SEMA5B: variants seen among roughly 807,000 people sequenced by gnomAD.
The protein encoded by SEMA5B is semaphorin-5B.
In SEMA5B, 66 loss-of-function variants were observed where a neutral mutation model predicts 135.0. The observed-to-expected ratio is 0.49, with a 90% CI of 0.40 to 0.60. The LOEUF (loss-of-function observed/expected upper bound fraction) is 0.60, where lower values mean the gene tolerates loss of function less well. Among genes scored for constraint, SEMA5B ranks in the 20% least tolerant of loss-of-function variants. The pLI, the probability that SEMA5B is intolerant of heterozygous loss-of-function variation, is 0.00. For synonymous variants in SEMA5B, 690 were observed against 639.5 expected, an observed-to-expected ratio of 1.08 and a Z score of -1.19; for missense variants, 1,501 against 1,566.3, an observed-to-expected ratio of 0.96 and a Z score of 0.70.
intron 1 of SEMA5B, among the ~76,000 whole-genome samples, chr3:122,966,558 T>TTATTA (rs914331287): frequency 4.2e-5 from 6 of 141,586 alleles, no homozygotes; most frequent in African/African-American, 1.8e-4. Context: ...ATTATTATTA[T>TTATTA]TATTATTATT....
chr3:123,003,157 A>G (rs1272400260), intron 1 of SEMA5B, among the ~76,000 whole-genome samples: 1 of 152,198 alleles, frequency 6.6e-6, no homozygotes, highest in Non-Finnish European at 1.5e-5. Context: ...TGAGGACACA[A>G]AAGTGAATGA....
chr3:123,009,625 T>C (rs1317341855), intron 1 of SEMA5B, among the ~76,000 whole-genome samples: 1 of 152,210 alleles, frequency 6.6e-6, no homozygotes, highest in African/African-American at 2.4e-5. Flanking sequence ...ACCCAGCCAG[T>C]GTCCCTTGCT....
At position 122,910,309 on chromosome 3, in the gene SEMA5B, T is replaced by TGGAA; in HGVS notation, c.3298-12_3298-9dup. ...GTTATTCTTGTTCAGGGTCTGTGGG[T>TGGAA]GGAAGAAGGAACCAGAGAAAGGGGT... On this transcript the variant is annotated splice_polypyrimidine_tract_variant and intron_variant, in intron 22 of 22. Transcript: ENST00000357599. 6.2e-7 allele frequency: 1 copy of TGGAA among 1,613,580 alleles called. No homozygotes were observed. The highest frequency in any genetic ancestry group is 8.5e-7 in the Non-Finnish European group (1 of 1,179,766).
intron 2 of SEMA5B, 78 bp from the exon 3 acceptor site, chr3:122,948,787 T>C: frequency 2.6e-6 from 3 of 1,156,308 alleles, no homozygotes; most frequent in African/African-American, 1.5e-5. Flanking sequence ...GTGGTTACAG[T>C]GCCCCCACAG....
intron 2 of SEMA5B, among the ~76,000 whole-genome samples, chr3:122,955,283 G>A (rs1191353983): frequency 6.6e-6 from 1 of 152,122 alleles, no homozygotes; most frequent in African/African-American, 2.4e-5. Context: ...CTGCAAAATG[G>A]GGAGAATAAT....
At chr3:122,940,898 C>T (rs1333637182) in intron 4 of SEMA5B, among the ~76,000 whole-genome samples, 2 of 152,236 alleles carry the variant, frequency 1.3e-5, no homozygotes, top group Non-Finnish European at 2.9e-5. Flanking sequence ...CAGCTGCCTG[C>T]TTAGGTAACA....
intron 1 of SEMA5B, among the ~76,000 whole-genome samples, chr3:122,983,688 A>T: frequency 7.9e-6 from 1 of 126,588 alleles, no homozygotes; most frequent in South Asian, 2.9e-4. Flanking sequence ...ACTGCACTCC[A>T]GCCTGGGCGA....
intron 1 of SEMA5B, among the ~76,000 whole-genome samples, chr3:123,017,945 T>A (rs1042104043): frequency 6.6e-6 from 1 of 151,856 alleles, no homozygotes; most frequent in Non-Finnish European, 1.5e-5. Context: ...GATTTTTTGC[T>A]GGACCCCAGA....
chr3:122,985,098 T>C (rs1191048718), intron 1 of SEMA5B, among the ~76,000 whole-genome samples: 1 of 152,224 alleles, frequency 6.6e-6, no homozygotes, highest in East Asian at 1.9e-4. Context: ...ATGCAACTTG[T>C]TTGACATTCC....
intron 1 of SEMA5B, chr3:123,027,259 G>A (rs1473464815): frequency 1.3e-5 from 2 of 152,400 alleles, no homozygotes; most frequent in African/African-American, 4.8e-5. Flanking sequence ...CAGCAGCGAT[G>A]AGGGCTCTCA....
intron 1 of SEMA5B, among the ~76,000 whole-genome samples, chr3:123,026,889 G>T (rs1057144788): frequency 6.6e-5 from 10 of 152,222 alleles, no homozygotes; most frequent in Admixed American, 5.9e-4. Flanking sequence ...TTCACGCTCC[G>T]CAGGCCTGGT....
chr3:123,018,957 G>A (rs1017940467), intron 1 of SEMA5B, among the ~76,000 whole-genome samples: 1 of 152,164 alleles, frequency 6.6e-6, no homozygotes, highest in Admixed American at 6.5e-5. Flanking sequence ...TCTAGCATGG[G>A]TTACCTGGAT....
At position 123,027,452 on chromosome 3, in the gene SEMA5B, C is replaced by T. The variant is rs905594198; in HGVS notation, c.-39+12G>A. On this transcript the variant is annotated intron_variant, in intron 1 of 22. Coordinates refer to ENST00000357599, the MANE Select transcript of SEMA5B (RefSeq NM_001031702.4). ...CCGCGCAGGGGAAGCGCCCGGGGCT[C>T]CCGGGACTCACCTCCCAGAGGCGGG... 3.3e-5 allele frequency: 5 copies of T among 152,360 alleles called. No homozygotes were observed. The highest frequency in any genetic ancestry group is 9.6e-5 in the African/African-American group (4 of 41,464). 9.4% of individuals were successfully genotyped at this position (152,360 alleles called of 1,614,324 possible).
At chr3:122,963,676 C>G (rs1940690941) in intron 1 of SEMA5B, among the ~76,000 whole-genome samples, 1 of 152,122 alleles carries the variant, frequency 6.6e-6, no homozygotes, top group Non-Finnish European at 1.5e-5. Context: ...AGAAGGGAGA[C>G]AGAGAACACG....
At chr3:122,928,857 C>G in intron 6 of SEMA5B, 139 bp downstream of exon 6, 1 of 861,864 alleles carries the variant, frequency 1.2e-6, no homozygotes, top group South Asian at 1.6e-5. Context: ...GTTATCCTCA[C>G]CTGCCCAAGG....
At chr3:123,006,904 C>T (rs1162542154) in intron 1 of SEMA5B, among the ~76,000 whole-genome samples, 1 of 152,330 alleles carries the variant, frequency 6.6e-6, no homozygotes, top group East Asian at 1.9e-4. Context: ...AACAAGCCCT[C>T]CCACTACAAT....
In SEMA5B at chr3:122,968,780, C is replaced by T. The variant is rs72970584; in HGVS notation, c.-38-7479G>A. Reference sequence around the variant, plus strand: ...GACCTCAGCTGGGTTTGGTACCCATCACTGTCAGGACATTCTTACATCTTT... The same window carrying T: ...GACCTCAGCTGGGTTTGGTACCCATTACTGTCAGGACATTCTTACATCTTT... On this transcript the variant is annotated intron_variant, in intron 1 of 22. Coordinates refer to ENST00000357599, the MANE Select transcript of SEMA5B (RefSeq NM_001031702.4). Among the ~76,000 whole-genome samples, 679 of 152,238 alleles carry T rather than the reference C, an allele frequency of 4.5e-3. 5 individuals are homozygous for T. Among genetic ancestry groups the T allele is most frequent in the African/African-American group, 0.016 (650 of 41,510 alleles).
intron 20 of SEMA5B, 51 bp downstream of exon 20, chr3:122,911,869 G>T: frequency 2.0e-6 from 3 of 1,535,612 alleles, no homozygotes; most frequent in East Asian, 2.3e-5. Context: ...AAGGAAGTTG[G>T]GAGTGCAGGC....
rs71136597 is a variant in SEMA5B at position 122,932,243 on chromosome 3, A to ATTTTTTTTTTTTTTTT, written c.475-3201_475-3186dup. 2.3e-5 allele frequency among the ~76,000 whole-genome samples: 2 copies of ATTTTTTTTTTTTTTTT among 85,380 alleles called. 1 individual carries two copies. Among genetic ancestry groups the ATTTTTTTTTTTTTTTT allele is most frequent in the Non-Finnish European group, 4.3e-5 (2 of 46,980 alleles). The allele number at this position is 85,380 out of a possible 152,430, so 56.0% of individuals were successfully genotyped here. On this transcript the variant is annotated intron_variant, in intron 5 of 22. Coordinates refer to ENST00000357599, the MANE Select transcript of SEMA5B (RefSeq NM_001031702.4). Reference sequence around the variant, plus strand: ...GGTCTTACACATCCCTCTCAATATGATTTTTTTTTTTTTTTTTTTTTTTTT... The same window carrying ATTTTTTTTTTTTTTTT: ...GGTCTTACACATCCCTCTCAATATGATTTTTTTTTTTTTTTTTTTTTTTTTTTTTTTTTTTTTTTTT...
Sources: allele counts gnomAD v4.1 joint callset (sites outside exome capture counted in the v4.1 genomes callset), GRCh38; gene constraint gnomAD v4.1.1; transcripts MANE v1.5; gene names NCBI Gene and HGNC (gene_info 2026-07-23, HGNC 2026-07-21).